SLC16A7: variants seen among roughly 807,000 people sequenced by gnomAD.
SLC16A7 encodes the protein monocarboxylate transporter 2.
SLC16A7 carries 33 observed loss-of-function variants against 34.9 expected under a neutral mutation model. That is an observed-to-expected ratio of 0.94 (90% CI 0.72 to 1.26). The LOEUF is 1.26. SLC16A7 is among the 50% of genes most tolerant of loss of function. The pLI, the probability that SLC16A7 is intolerant of heterozygous loss-of-function variation, is 0.00. For synonymous variants in SLC16A7, 201 were observed against 206.6 expected (o/e 0.97, Z 0.23); for missense variants, 573 against 578.1 (o/e 0.99, Z 0.09).
rs1164814335 is a variant in SLC16A7 at position 59,672,239 on chromosome 12, C to CGTATATATATGT, written c.-31+16998_-31+17009dup. ...ATATATGTGTATATATGCATATATACGTATATATATGTGTATATATGCATA... is the reference window on the plus strand; with the variant it reads ...ATATATGTGTATATATGCATATATACGTATATATATGTGTATATATATGTGTATATATGCATA... On this transcript the variant is annotated intron_variant, in intron 2 of 5. Coordinates refer to ENST00000547379, the MANE Select transcript of SLC16A7 (RefSeq NM_001270623.2). Among the ~76,000 whole-genome samples, 3 of 131,658 alleles carry CGTATATATATGT rather than the reference C, an allele frequency of 2.3e-5. No homozygotes were observed. The Admixed American group carries it at 2.4e-4, about 10-fold the overall frequency. The allele number at this position is 131,658 out of a possible 152,430, so 86.4% of individuals were successfully genotyped here.
At chr12:59,693,504 G>A (rs1871915681) in intron 2 of SLC16A7, among the ~76,000 whole-genome samples, 1 of 151,730 alleles carries the variant, frequency 6.6e-6, no homozygotes, top group South Asian at 2.1e-4. Context: ...TAAAAGAAAA[G>A]GCAAAGTTAT....
At chr12:59,721,809 C>T (rs1305000584) in intron 3 of SLC16A7, among the ~76,000 whole-genome samples, 2 of 151,926 alleles carry the variant, frequency 1.3e-5, no homozygotes. Flanking sequence ...ACTTAATCAC[C>T]CTCGGTCTTC....
chr12:59,618,838 C>T (rs1014707292), intron 1 of SLC16A7, among the ~76,000 whole-genome samples: 5 of 151,838 alleles, frequency 3.3e-5, no homozygotes, highest in African/African-American at 1.2e-4. Flanking sequence ...ACCTATTTTC[C>T]GTAAAATATT....
intron 1 of SLC16A7, among the ~76,000 whole-genome samples, chr12:59,602,761 A>G (rs142126744): frequency 6.6e-6 from 1 of 152,134 alleles, no homozygotes; most frequent in East Asian, 1.9e-4. Flanking sequence ...CTGGAATTAC[A>G]GACATGAGCC....
At chr12:59,771,153 A>C in intron 3 of SLC16A7, 66 bp from the exon 4 acceptor site, 1 of 1,475,062 alleles carries the variant, frequency 6.8e-7, no homozygotes, top group South Asian at 1.3e-5. Flanking sequence ...AAATGATTGG[A>C]TGTTAAAGAT....
chr12:59,609,795 A>G (rs1397767411), intron 1 of SLC16A7, among the ~76,000 whole-genome samples: 4 of 152,156 alleles, frequency 2.6e-5, no homozygotes, highest in African/African-American at 9.7e-5. Flanking sequence ...TATAAAACCT[A>G]AATTTAAATA....
At chr12:59,686,651 T>C (rs1871186122) in intron 2 of SLC16A7, among the ~76,000 whole-genome samples, 1 of 152,122 alleles carries the variant, frequency 6.6e-6, no homozygotes, top group African/African-American at 2.4e-5. Flanking sequence ...ATCGGTTCTT[T>C]ATAAAAGACA....
At position 59,714,190 on chromosome 12, in the gene SLC16A7, G is replaced by A. The variant is rs925843252; in HGVS notation, c.217+9172G>A. ...AGAGTTCTAGTAGCCCAGAGGAGGT[G>A]AATGTGATTGATCTATGGTGAAAAG... is the stretch of plus-strand genomic sequence containing the variant. On this transcript the variant is annotated intron_variant, in intron 3 of 5. Coordinates refer to ENST00000547379, the MANE Select transcript of SLC16A7 (RefSeq NM_001270623.2). 3.9e-5 allele frequency among the ~76,000 whole-genome samples: 6 copies of A among 152,306 alleles called. No homozygotes were observed. In the South Asian group the frequency reaches 8.3e-4, roughly 21 times the overall value.
chr12:59,706,274 C>T (rs888563638), intron 3 of SLC16A7, among the ~76,000 whole-genome samples: 24 of 151,978 alleles, frequency 1.6e-4, no homozygotes, highest in African/African-American at 5.6e-4. Flanking sequence ...CCACCAATGT[C>T]ATTTGTTCAG....
At chr12:59,720,769 T>C (rs1200896654) in intron 3 of SLC16A7, among the ~76,000 whole-genome samples, 1 of 152,102 alleles carries the variant, frequency 6.6e-6, no homozygotes, top group Non-Finnish European at 1.5e-5. Context: ...TTCCACCGCA[T>C]TGTTTTCTAG....
Position 59,783,037 on chromosome 12 carries a change from A to G in SLC16A7, c.*3358A>G, listed in dbSNP as rs879774153. 1 of 152,198 alleles carries G rather than the reference A, an allele frequency of 6.6e-6. No homozygotes were observed. The highest frequency in any genetic ancestry group is 1.5e-5 in the Non-Finnish European group (1 of 68,030). The allele number at this position is 152,198 out of a possible 1,614,324, so 9.4% of individuals were successfully genotyped here. A position where few individuals can be genotyped will look rare whatever the true frequency, so the allele number is the denominator to read the frequency against. On this transcript the variant is annotated 3_prime_UTR_variant, in exon 6 of 6. Coordinates refer to ENST00000547379, the MANE Select transcript of SLC16A7 (RefSeq NM_001270623.2). ...TCTTTTCTGGCTGTACAACATGACA[A>G]TCAAGAATATAGAAAAGAAGACTAA...
chr12:59,680,844 C>A (rs931857067), intron 2 of SLC16A7, among the ~76,000 whole-genome samples: 1 of 152,068 alleles, frequency 6.6e-6, no homozygotes, highest in African/African-American at 2.4e-5. Context: ...GCTGTTCACC[C>A]TTCATTTGCC....
intron 2 of SLC16A7, among the ~76,000 whole-genome samples, chr12:59,696,038 T>C (rs1165806281): frequency 6.6e-6 from 1 of 151,936 alleles, no homozygotes; most frequent in East Asian, 1.9e-4. Context: ...ATTTAATTTA[T>C]TTAATTGAAT....
chr12:59,719,886 T>C, intron 3 of SLC16A7: 1 of 516,472 alleles, frequency 1.9e-6, no homozygotes. Context: ...AATAGACAAT[T>C]TTCCGTGGTC....
chr12:59,753,503 CAAAG>C (rs1160720897), intron 3 of SLC16A7, among the ~76,000 whole-genome samples: 5 of 152,156 alleles, frequency 3.3e-5, no homozygotes, highest in African/African-American at 1.2e-4. Flanking sequence ...TCAAAAGAGA[CAAAG>C]AAGACCATTA....
At chr12:59,702,911 A>G (rs1441346371) in intron 2 of SLC16A7, among the ~76,000 whole-genome samples, 5 of 151,964 alleles carry the variant, frequency 3.3e-5, no homozygotes, top group African/African-American at 4.8e-5. Context: ...TGCTATTACT[A>G]TTTTACTTAG....
At chr12:59,673,474 G>A (rs974464171) in intron 2 of SLC16A7, among the ~76,000 whole-genome samples, 2 of 147,492 alleles carry the variant, frequency 1.4e-5, no homozygotes, top group African/African-American at 5.0e-5. Flanking sequence ...CAAGTTGTCA[G>A]CAAACATGTT....
intron 3 of SLC16A7, among the ~76,000 whole-genome samples, chr12:59,730,700 A>T (rs1047971288): frequency 1.2e-4 from 19 of 152,186 alleles, no homozygotes; most frequent in Non-Finnish European, 2.4e-4. Context: ...TTATTTTGAG[A>T]GTCATTCAGA....
In SLC16A7 at chr12:59,784,633, A is replaced by C. The variant is rs1883489685; in HGVS notation, c.*4954A>C. ...TTGTTCTGTAGAGAAAACAAGTGTC[A>C]TTGCTTTTGTCTTCTCCATCTAGAC... On this transcript the variant is annotated 3_prime_UTR_variant, in exon 6 of 6. Transcript: ENST00000547379. 1 of 152,136 alleles carries C rather than the reference A, an allele frequency of 6.6e-6. No individual in the cohort carries two copies. The highest frequency in any genetic ancestry group is 1.5e-5 in the Non-Finnish European group (1 of 68,020). 9.4% of individuals were successfully genotyped at this position (152,136 alleles called of 1,614,324 possible).
Sources: gnomAD v4.1 joint callset for allele counts (sites outside exome capture counted in the v4.1 genomes callset) on GRCh38, gnomAD v4.1.1 for gene constraint, MANE v1.5 for transcripts, NCBI Gene and HGNC (gene_info 2026-07-23, HGNC 2026-07-21) for gene names.